ZBTB16: variants seen among roughly 807,000 people sequenced by gnomAD.
ZBTB16 encodes the protein zinc finger and BTB domain containing 16, also known as zinc finger and BTB domain-containing protein 16.
A neutral mutation model predicts 56.8 loss-of-function variants in ZBTB16; 8 were observed. The observed-to-expected ratio is 0.14, with a 90% confidence interval of 0.08 to 0.25. The LOEUF (loss-of-function observed/expected upper bound fraction) is 0.25. ZBTB16 is among the 10% of genes least tolerant of loss of function. ZBTB16 has a pLI of 1.00. For missense variants in ZBTB16, 625 were observed against 903.0 expected, an observed-to-expected ratio of 0.69 and a Z score of 3.95; for synonymous variants, 363 against 368.5, an observed-to-expected ratio of 0.98 and a Z score of 0.17.
At chr11:114,247,530 C>T (rs1252861674) in intron 6 of ZBTB16, among the ~76,000 whole-genome samples, 165 bp downstream of exon 6, 1 of 152,176 alleles carries the variant, frequency 6.6e-6, no homozygotes, top group Non-Finnish European at 1.5e-5. Context: ...CCACCACACC[C>T]CAGTCAAGGT....
intron 2 of ZBTB16, among the ~76,000 whole-genome samples, chr11:114,100,673 G>A (rs1317866507): frequency 1.3e-5 from 2 of 152,102 alleles, no homozygotes; most frequent in African/African-American, 2.4e-5. Context: ...TTCCTCTTGC[G>A]TTTACTCAGG....
intron 2 of ZBTB16, among the ~76,000 whole-genome samples, chr11:114,107,612 G>T (rs914749492): frequency 9.2e-5 from 14 of 152,192 alleles, no homozygotes; most frequent in Admixed American, 5.9e-4. Flanking sequence ...GCTGTGAGAA[G>T]CGACTAAAAG....
intron 2 of ZBTB16, among the ~76,000 whole-genome samples, chr11:114,105,302 A>ACTG (rs1940751192): frequency 2.0e-5 from 3 of 150,886 alleles, no homozygotes; most frequent in Admixed American, 1.3e-4. Flanking sequence ...ATGCGCTGGC[A>ACTG]CGATCTCGGC....
At chr11:114,090,084 A>G (rs1940128124) in intron 2 of ZBTB16, among the ~76,000 whole-genome samples, 1 of 152,226 alleles carries the variant, frequency 6.6e-6, no homozygotes, top group African/African-American at 2.4e-5. Flanking sequence ...CTCAGGCAAG[A>G]AAAGTAGCAT....
At chr11:114,124,551 A>AAC (rs1941438792) in intron 2 of ZBTB16, among the ~76,000 whole-genome samples, 1 of 137,052 alleles carries the variant, frequency 7.3e-6, no homozygotes. Context: ...AAACAAAAAA[A>AAC]AAAACCAAAA....
At chr11:114,163,634 G>A (rs748707067) in intron 3 of ZBTB16, among the ~76,000 whole-genome samples, 1 of 152,042 alleles carries the variant, frequency 6.6e-6, no homozygotes, top group Non-Finnish European at 1.5e-5. Flanking sequence ...GTTTTAAACA[G>A]TGTTTTCACC....
At chr11:114,147,842 A>G (rs1459753397) in intron 2 of ZBTB16, among the ~76,000 whole-genome samples, 1 of 152,174 alleles carries the variant, frequency 6.6e-6, no homozygotes, top group Non-Finnish European at 1.5e-5. Context: ...GAACATTTCA[A>G]TCATATTTGG....
intron 4 of ZBTB16, among the ~76,000 whole-genome samples, chr11:114,240,934 T>C (rs974154854): frequency 6.6e-6 from 1 of 152,204 alleles, no homozygotes; most frequent in Non-Finnish European, 1.5e-5. Flanking sequence ...GCCTGGCCCT[T>C]GCCTTTCCCT....
chr11:114,181,668 G>T (rs1943251963), intron 3 of ZBTB16, among the ~76,000 whole-genome samples: 3 of 152,156 alleles, frequency 2.0e-5, no homozygotes, highest in Admixed American at 1.3e-4. Context: ...GATGCCCACA[G>T]CTGTGAGTGG....
At chr11:114,150,249 A>G (rs920614239) in intron 2 of ZBTB16, among the ~76,000 whole-genome samples, 21 of 152,338 alleles carry the variant, frequency 1.4e-4, no homozygotes, top group African/African-American at 4.3e-4. Flanking sequence ...CTGATGCCCT[A>G]TGAATAACAT....
intron 3 of ZBTB16, among the ~76,000 whole-genome samples, chr11:114,173,520 T>C (rs1391812091): frequency 6.6e-6 from 1 of 152,202 alleles, no homozygotes; most frequent in Non-Finnish European, 1.5e-5. Context: ...TTAAAGGAAC[T>C]GACAACTCTG....
At chr11:114,224,083 CA>C (rs1447806116) in intron 4 of ZBTB16, among the ~76,000 whole-genome samples, 2 of 152,132 alleles carry the variant, frequency 1.3e-5, no homozygotes, top group Non-Finnish European at 2.9e-5. Context: ...GGATCTTAAT[CA>C]GGGGAGGGAC....
intron 4 of ZBTB16, among the ~76,000 whole-genome samples, chr11:114,234,573 A>G (rs1245747641): frequency 2.6e-5 from 4 of 152,332 alleles, no homozygotes; most frequent in Non-Finnish European, 5.9e-5. Flanking sequence ...ACTCATGCCC[A>G]AGAGGAAAAC....
intron 5 of ZBTB16, among the ~76,000 whole-genome samples, chr11:114,245,669 G>A (rs1025947859): frequency 6.6e-6 from 1 of 152,174 alleles, no homozygotes; most frequent in Non-Finnish European, 1.5e-5. Flanking sequence ...GACAATTTAT[G>A]CCCAGGCACG....
intron 3 of ZBTB16, among the ~76,000 whole-genome samples, chr11:114,172,343 A>G (rs1364706138): frequency 6.6e-6 from 1 of 152,186 alleles, no homozygotes; most frequent in East Asian, 1.9e-4. Context: ...GGCAGCTGAC[A>G]TTTCCTGGAG....
chr11:114,237,313 A>G (rs1944612514), intron 4 of ZBTB16: 1 of 152,256 alleles, frequency 6.6e-6, no homozygotes, highest in South Asian at 2.1e-4. Context: ...GGATCTGGTG[A>G]AAAGAATGAC....
intron 4 of ZBTB16, among the ~76,000 whole-genome samples, chr11:114,233,065 ATGCGCG>A (rs1409925943): frequency 1.0e-4 from 6 of 57,700 alleles, no homozygotes; most frequent in Non-Finnish European, 1.5e-4. Context: ...GCACATACGC[ATGCGCG>A]CGCGCGCGCG....
intron 2 of ZBTB16, among the ~76,000 whole-genome samples, chr11:114,097,337 C>G (rs775228732): frequency 2.6e-5 from 4 of 152,002 alleles, no homozygotes; most frequent in Non-Finnish European, 4.4e-5. Context: ...TGAGTGGGTA[C>G]AGAGTTTCAG....
At chr11:114,173,027 C>T (rs1409831237) in intron 3 of ZBTB16, among the ~76,000 whole-genome samples, 1 of 152,154 alleles carries the variant, frequency 6.6e-6, no homozygotes, top group South Asian at 2.1e-4. Flanking sequence ...AATTATGGTG[C>T]AGGGGGTAAG....
Sources: gnomAD v4.1 joint callset for allele counts (sites outside exome capture counted in the v4.1 genomes callset) on GRCh38, gnomAD v4.1.1 for gene constraint, MANE v1.5 for transcripts, NCBI Gene and HGNC (gene_info 2026-07-23, HGNC 2026-07-21) for gene names.